NT5DC3: variants seen among roughly 807,000 people sequenced by gnomAD.
NT5DC3 encodes the protein 5'-nucleotidase domain-containing protein 3.
In NT5DC3, 42 loss-of-function variants were observed where a neutral mutation model predicts 67.8. The observed-to-expected ratio is 0.62, with a 90% confidence interval of 0.48 to 0.80. The LOEUF (loss-of-function observed/expected upper bound fraction) is 0.80, where lower values mean the gene tolerates loss of function less well. Among genes scored for constraint, NT5DC3 ranks in the 30% least tolerant of loss-of-function variants. The probability of loss-of-function intolerance (pLI) is 0.00; values close to 1 mark genes in which losing one functional copy is unlikely to be tolerated. For missense variants in NT5DC3, 570 were observed against 696.4 expected (o/e 0.82, Z 2.04); for synonymous variants, 237 against 255.6 (o/e 0.93, Z 0.69).
downstream of NT5DC3, chr12:103,766,394 A>C: frequency 6.4e-7 from 1 of 1,556,468 alleles, no homozygotes; most frequent in Non-Finnish European, 8.7e-7. Context: ...TCAACTGTGA[A>C]TTCTCAGCAC....
chr12:103,806,840 G>A lies in NT5DC3; in HGVS notation c.468+15C>T, dbSNP rs991434221. On this transcript the variant is annotated intron_variant, in intron 3 of 13. Transcript: ENST00000392876. ...ACATCATTAAACCATAGAAAAACAG[G>A]AGAAGTAAACCTACCCGCTGTACAT... The A allele has an allele frequency of 6.5e-7, 1 of 1,528,096 alleles. No homozygotes were observed. The allele number at this position is 1,528,096 out of a possible 1,614,324, so 94.7% of individuals were successfully genotyped here.
At chr12:103,812,272 C>T (rs926824474) in intron 2 of NT5DC3, among the ~76,000 whole-genome samples, 10 of 152,168 alleles carry the variant, frequency 6.6e-5, no homozygotes, top group African/African-American at 1.7e-4. Flanking sequence ...CAAAGTGCAT[C>T]GGTCTTGGCT....
chr12:103,788,959 A>G (rs749706449), intron 9 of NT5DC3, 40 bp from the exon 10 acceptor site: 2 of 1,269,796 alleles, frequency 1.6e-6, no homozygotes, highest in Non-Finnish European at 2.3e-6. Context: ...ATGGAGTAGT[A>G]CAGGCTGTCT....
At chr12:103,766,451 T>A, downstream of NT5DC3, 1 of 1,207,836 alleles carries the variant, frequency 8.3e-7, no homozygotes, top group Non-Finnish European at 1.2e-6. Flanking sequence ...TCAGAAGCCA[T>A]ACCTCATCTC....
At chr12:103,799,569 A>G (rs1456292858) in intron 4 of NT5DC3, among the ~76,000 whole-genome samples, 1 of 152,062 alleles carries the variant, frequency 6.6e-6, no homozygotes, top group Non-Finnish European at 1.5e-5. Context: ...CTTTTTCTTT[A>G]TAAATTACCC....
At chr12:103,840,441 A>G (rs1460934624) in intron 1 of NT5DC3, among the ~76,000 whole-genome samples, 8 of 146,230 alleles carry the variant, frequency 5.5e-5, no homozygotes, top group Admixed American at 1.4e-4. Context: ...ATTCCATCCC[A>G]TCCCATCCCA....
At chr12:103,749,087 G>A in the NT5DC3 span, 2 of 1,614,166 alleles carry the variant, frequency 1.2e-6, no homozygotes, top group African/African-American at 2.7e-5. Flanking sequence ...GCTGCACAGA[G>A]ATAGACCCCT....
chr12:103,812,980 G>A (rs556839852), intron 2 of NT5DC3, among the ~76,000 whole-genome samples: 2 of 152,342 alleles, frequency 1.3e-5, no homozygotes, highest in Non-Finnish European at 2.9e-5. Flanking sequence ...CAGAGGAATT[G>A]AGTGAGTCAA....
Position 103,825,931 on chromosome 12 carries a change from C to T in NT5DC3, c.209-10810G>A, listed in dbSNP as rs929447308. The stretch of plus-strand genomic sequence containing the variant: ...TCATTCATCACCTCAATTAATGTCC[C>T]AAGAACTCCATGAAGTAAATACTAC... On this transcript the variant is annotated intron_variant, in intron 1 of 13. Coordinates refer to ENST00000392876, the MANE Select transcript of NT5DC3 (RefSeq NM_001031701.3). 8.5e-5 allele frequency among the ~76,000 whole-genome samples: 13 copies of T among 152,292 alleles called. 1 individual carries two copies. Among genetic ancestry groups the T allele is most frequent in the Admixed American group, 2.0e-4 (3 of 15,298 alleles).
the NT5DC3 span, chr12:103,750,540 GA>G: frequency 6.2e-7 from 1 of 1,609,180 alleles, no homozygotes. Context: ...GGGTCCTAGA[GA>G]AGGAACTTTT....
chr12:103,763,258 T>G, the NT5DC3 span: 1 of 520,084 alleles, frequency 1.9e-6, no homozygotes, highest in Admixed American at 3.2e-5. Context: ...GGTATGGAAA[T>G]GCCCTATGTG....
downstream of NT5DC3, among the ~76,000 whole-genome samples, chr12:103,767,547 G>A (rs1360595338): frequency 6.6e-6 from 1 of 152,156 alleles, no homozygotes; most frequent in East Asian, 1.9e-4. Flanking sequence ...TTCATGGTAT[G>A]CTGTTTGTTA....
intron 1 of NT5DC3, among the ~76,000 whole-genome samples, chr12:103,816,207 G>T (rs758371981): frequency 4.6e-5 from 7 of 152,274 alleles, no homozygotes; most frequent in Non-Finnish European, 7.4e-5. Flanking sequence ...TTGGATATAG[G>T]ATTTTTTCAT....
intron 1 of NT5DC3, among the ~76,000 whole-genome samples, chr12:103,838,000 T>A (rs1246776700): frequency 6.6e-6 from 1 of 152,056 alleles, no homozygotes; most frequent in African/African-American, 2.4e-5. Context: ...GAAAAAGAGG[T>A]TTACTTGGAC....
intron 10 of NT5DC3, among the ~76,000 whole-genome samples, chr12:103,788,164 A>G (rs1213907320): frequency 1.3e-5 from 2 of 152,198 alleles, no homozygotes; most frequent in Admixed American, 1.3e-4. Context: ...TGCACAGGCT[A>G]GGTGTGATGG....
At chr12:103,782,847 G>T (rs547398726) in intron 12 of NT5DC3, among the ~76,000 whole-genome samples, 1 of 152,158 alleles carries the variant, frequency 6.6e-6, no homozygotes, top group African/African-American at 2.4e-5. Flanking sequence ...TTAGCTGGGC[G>T]TGGTGGCACA....
chr12:103,759,616 A>G, the NT5DC3 span, among the ~76,000 whole-genome samples: 1 of 152,192 alleles, frequency 6.6e-6, no homozygotes, highest in Admixed American at 6.5e-5. Context: ...CAGTTCTGCC[A>G]CTTGCTAACT....
chr12:103,815,745 T>C (rs1276880669), intron 1 of NT5DC3, among the ~76,000 whole-genome samples: 2 of 152,174 alleles, frequency 1.3e-5, no homozygotes, highest in Non-Finnish European at 2.9e-5. Context: ...GAACACCTCT[T>C]GTGAACGTAC....
At chr12:103,793,343 A>G in intron 8 of NT5DC3, 67 bp downstream of exon 8, 1 of 1,561,824 alleles carries the variant, frequency 6.4e-7, no homozygotes, top group Non-Finnish European at 8.8e-7. Flanking sequence ...TCCAATTTCC[A>G]GCTGCTAAAA....
Sources: gnomAD v4.1 joint callset for allele counts (sites outside exome capture counted in the v4.1 genomes callset) on GRCh38, gnomAD v4.1.1 for gene constraint, MANE v1.5 for transcripts, NCBI Gene and HGNC (gene_info 2026-07-23, HGNC 2026-07-21) for gene names.